Variants in ADGRL2 observed in about 807,000 individuals in gnomAD.
The protein encoded by ADGRL2 is calcium-independent alpha-latrotoxin receptor 2.
A neutral mutation model predicts 157.4 loss-of-function variants in ADGRL2; 44 were observed. The ratio of observed to expected loss-of-function variants is 0.28; its 90% CI spans 0.22 to 0.36. The LOEUF (loss-of-function observed/expected upper bound fraction) is 0.36, where lower values mean the gene tolerates loss of function less well. Among genes scored for constraint, ADGRL2 ranks in the 10% least tolerant of loss-of-function variants. ADGRL2 has a pLI of 1.00. For missense variants in ADGRL2, 1,510 were observed against 1,768.9 expected, an observed-to-expected ratio of 0.85 and a Z score of 2.63; for synonymous variants, 585 against 624.7, an observed-to-expected ratio of 0.94 and a Z score of 0.95.
At chr1:81,343,463 T>C (rs1662238801) in intron 1 of ADGRL2, among the ~76,000 whole-genome samples, 1 of 152,216 alleles carries the variant, frequency 6.6e-6, no homozygotes, top group Non-Finnish European at 1.5e-5. Flanking sequence ...TAAGGGCCAA[T>C]GAAAGATTAG....
chr1:81,732,362 G>A (rs1436943203), intron 1 of ADGRL2, among the ~76,000 whole-genome samples: 1 of 152,054 alleles, frequency 6.6e-6, no homozygotes, highest in Non-Finnish European at 1.5e-5. Context: ...AACTACATAT[G>A]CTTTTTAAAC....
In ADGRL2 at chr1:81,823,281, T is replaced by C. The variant is rs553768178; in HGVS notation, c.-100-13604T>C. The stretch of plus-strand genomic sequence containing the variant: ...AGTTTCCGTAATTCAGTTCATTTAT[T>C]CATGCCTGCCTCCCTTCCTCTCTCC... On this transcript the variant is annotated intron_variant, in intron 1 of 23. Transcript: ENST00000686636. Among the ~76,000 whole-genome samples the C allele has an allele frequency of 9.2e-5, 14 of 152,040 alleles. No individual in the cohort carries two copies. In the South Asian group the frequency reaches 2.3e-3, roughly 25 times the overall value.
rs567237558 is a variant in ADGRL2 at position 81,382,445 on chromosome 1, G to T, written c.-301-62591G>T. On this transcript the variant is annotated intron_variant, in intron 1 of 24. Transcript: ENST00000370721. ...CTGCTGTGAGCTAACTACTTGTTAG[G>T]CATATTGTGTGCCTGGTGACCCAGA... is the stretch of plus-strand genomic sequence containing the variant. Among the ~76,000 whole-genome samples the T allele has an allele frequency of 8.5e-5, 13 of 152,080 alleles. 1 individual carries two copies. The highest frequency in any genetic ancestry group is 1.5e-4 in the Non-Finnish European group (10 of 68,020).
At chr1:81,759,493 A>T (rs938156936) in intron 1 of ADGRL2, among the ~76,000 whole-genome samples, 1 of 152,180 alleles carries the variant, frequency 6.6e-6, no homozygotes, top group African/African-American at 2.4e-5. Context: ...AATTCAAAAC[A>T]TTTATGAAAG....
chr1:81,306,662 A>G lies in ADGRL2; in HGVS notation c.-302+153A>G, dbSNP rs546929650. Reference sequence around the variant, plus strand: ...GCTTTTGTTACTTAACCATATAGGTACAATTGTTTAAGTGCTGGGTATTAT... The same window carrying G: ...GCTTTTGTTACTTAACCATATAGGTGCAATTGTTTAAGTGCTGGGTATTAT... On this transcript the variant is annotated intron_variant, in intron 1 of 24. Transcript: ENST00000370721. Among the ~76,000 whole-genome samples the G allele has an allele frequency of 2.0e-5, 3 of 152,266 alleles. No individual in the cohort carries two copies. In the East Asian group the frequency reaches 5.8e-4, roughly 29 times the overall value.
rs150798264 is a variant in ADGRL2, at chr1:81,770,153, C to CTT, written c.-101+8327_-101+8328dup. On this transcript the variant is annotated intron_variant, in intron 2 of 20. Transcript: ENST00000359929. Reference sequence around the variant, plus strand: ...TACAGGCATGAGCCACTGCACCCAGCTTTTTTTTTTTTTTTTTTTTTTTTT... The same window carrying CTT: ...TACAGGCATGAGCCACTGCACCCAGCTTTTTTTTTTTTTTTTTTTTTTTTTTT... Among the ~76,000 whole-genome samples, 42 of 59,610 alleles carry CTT rather than the reference C, an allele frequency of 7.0e-4. 3 individuals are homozygous for CTT. Among genetic ancestry groups the CTT allele is most frequent in the Non-Finnish European group, 8.5e-4 (29 of 34,278 alleles). 39.1% of individuals were successfully genotyped at this position (59,610 alleles called of 152,430 possible).
intron 1 of ADGRL2, among the ~76,000 whole-genome samples, chr1:81,363,994 G>A (rs879267790): frequency 1.8e-4 from 28 of 152,022 alleles, no homozygotes; most frequent in African/African-American, 5.8e-4. Context: ...TTTTTTGTGG[G>A]CATTTAATAT....
chr1:81,444,710 T>C (rs968243946), intron 1 of ADGRL2, among the ~76,000 whole-genome samples: 14 of 152,210 alleles, frequency 9.2e-5, no homozygotes, highest in African/African-American at 3.4e-4. Context: ...GCAATTGATC[T>C]TTTTATTAAC....
intron 2 of ADGRL2, among the ~76,000 whole-genome samples, chr1:81,523,214 A>G (rs1420940548): frequency 2.0e-5 from 3 of 152,210 alleles, no homozygotes; most frequent in African/African-American, 7.2e-5. Flanking sequence ...ACCTGTAGCT[A>G]TTATGTCATA....
intron 3 of ADGRL2, among the ~76,000 whole-genome samples, chr1:81,671,679 A>G (rs2082878904): frequency 6.6e-6 from 1 of 152,020 alleles, no homozygotes. Context: ...CACCCGGCTA[A>G]TTTTTGTATT....
intron 2 of ADGRL2, among the ~76,000 whole-genome samples, chr1:81,574,211 T>C (rs928156321): frequency 3.8e-5 from 5 of 130,068 alleles, no homozygotes; most frequent in South Asian, 4.7e-4. Context: ...TGAATACTTA[T>C]AGAAGTGGGT....
chr1:81,870,679 T>G (rs1230172951), intron 2 of ADGRL2, among the ~76,000 whole-genome samples: 1 of 152,132 alleles, frequency 6.6e-6, no homozygotes, highest in East Asian at 1.9e-4. Flanking sequence ...CTACCAAGCT[T>G]TTGTTTTTTG....
chr1:81,502,636 C>T, intron 2 of ADGRL2: 1 of 1,614,036 alleles, frequency 6.2e-7, no homozygotes, highest in South Asian at 1.1e-5. Context: ...CATCCATCAC[C>T]AGCGCTGCCT....
intron 2 of ADGRL2, among the ~76,000 whole-genome samples, chr1:81,561,401 T>C (rs551875838): frequency 6.6e-6 from 1 of 151,038 alleles, no homozygotes; most frequent in Non-Finnish European, 1.5e-5. Flanking sequence ...CTCGCTATAA[T>C]TTTTTTCTTT....
chr1:81,820,243 AT>A (rs1460634372), intron 1 of ADGRL2, among the ~76,000 whole-genome samples: 1 of 152,194 alleles, frequency 6.6e-6, no homozygotes, highest in African/African-American at 2.4e-5. Flanking sequence ...TATAATGAAG[AT>A]CACAAATTGT....
At chr1:81,566,567 T>G (rs2080567694) in intron 2 of ADGRL2, among the ~76,000 whole-genome samples, 1 of 152,164 alleles carries the variant, frequency 6.6e-6, no homozygotes, top group Admixed American at 6.6e-5. Context: ...TCCACAAATT[T>G]ACTTGGAACT....
At chr1:81,373,200 A>T (rs2076190366) in intron 1 of ADGRL2, among the ~76,000 whole-genome samples, 1 of 152,232 alleles carries the variant, frequency 6.6e-6, no homozygotes, top group Non-Finnish European at 1.5e-5. Context: ...TGTTGATAAC[A>T]TTGAATAAAT....
intron 1 of ADGRL2, among the ~76,000 whole-genome samples, chr1:81,341,031 C>G (rs1046137333): frequency 6.6e-6 from 1 of 151,946 alleles, no homozygotes; most frequent in Non-Finnish European, 1.5e-5. Context: ...ATGTTTGAAA[C>G]CTATCACATG....
At chr1:81,936,631 G>T (rs1027494094) in intron 3 of ADGRL2, 97 bp from the exon 4 acceptor site, 15 of 605,230 alleles carry the variant, frequency 2.5e-5, no homozygotes, top group Non-Finnish European at 4.2e-5. Context: ...TATGTTTCTG[G>T]TTGCTTAAAG....
Sources: gnomAD v4.1 joint callset for allele counts (sites outside exome capture counted in the v4.1 genomes callset) on GRCh38, gnomAD v4.1.1 for gene constraint, MANE v1.5 for transcripts, NCBI Gene and HGNC (gene_info 2026-07-23, HGNC 2026-07-21) for gene names.